Variants in IFT20 observed in about 807,000 individuals in gnomAD.
IFT20 encodes intraflagellar transport 20, also known as intraflagellar transport protein 20 homolog.
IFT20 carries 4 observed loss-of-function variants against 16.9 expected under a neutral mutation model. That is an observed-to-expected ratio of 0.24 (90% CI 0.12 to 0.54). The LOEUF is 0.54. Ranked by LOEUF, IFT20 falls within the 20% of genes least tolerant of loss-of-function variation. The probability of loss-of-function intolerance (pLI) is 0.95; values close to 1 mark genes in which losing one functional copy is unlikely to be tolerated. For synonymous variants in IFT20, 48 were observed against 49.9 expected (o/e 0.96, Z 0.16); for missense variants, 154 against 149.7 (o/e 1.03, Z -0.15).
chr17:28,333,072 A>AAAACACACACACACACACAC, intron 1 of IFT20, among the ~76,000 whole-genome samples: 4 of 144,578 alleles, frequency 2.8e-5, no homozygotes, highest in African/African-American at 7.7e-5. Context: ...TCTGGCTCAA[A>AAAACACACACACACACACAC]ACACACACAC....
At chr17:28,333,119 A>G (rs1906909690) in intron 1 of IFT20, among the ~76,000 whole-genome samples, 1 of 147,686 alleles carries the variant, frequency 6.8e-6, no homozygotes, top group Non-Finnish European at 1.5e-5. Context: ...TTAAACATAG[A>G]CATCTTTATG....
Position 28,328,418 on chromosome 17 carries a change from C to A in IFT20, c.*234G>T. On this transcript the variant is annotated 3_prime_UTR_variant, in exon 5 of 5. Coordinates refer to ENST00000395418, the MANE Select transcript of IFT20 (RefSeq NM_001267776.2). ...AAGTTTACAAACTGCTTAGTTCCAACTAAGCATAAGAGGTGAGAACGTACA... is the reference window on the plus strand; with the variant it reads ...AAGTTTACAAACTGCTTAGTTCCAAATAAGCATAAGAGGTGAGAACGTACA... 2.3e-6 allele frequency: 1 copy of A among 442,848 alleles called. No individual in the cohort carries two copies. Among genetic ancestry groups the A allele is most frequent in the African/African-American group, 2.1e-5 (1 of 48,698 alleles). 27.4% of individuals were successfully genotyped at this position (442,848 alleles called of 1,614,324 possible).
rs782049383 is a variant in IFT20 at position 28,328,726 on chromosome 17, C to T, written c.325G>A (p.Val109Ile). ...EKKMQLERYRVEYEALCKVEA... is the reference protein window; with the variant it reads ...EKKMQLERYRIEYEALCKVEA... ...ACTTTACACAAAGCTTCATATTCAA[C>T]CCGATACCTGAAAAACAAAATTGTT... Residue 109 changes from valine to isoleucine, a missense_variant, in exon 5 of 5, where the codon GTT (valine) becomes ATT (isoleucine). Transcript: ENST00000395418. 7.5e-6 allele frequency: 12 copies of T among 1,592,424 alleles called. No homozygotes were observed. The highest frequency in any genetic ancestry group is 1.7e-4 in the Middle Eastern group (1 of 5,894).
chr17:28,329,469 C>T, intron 3 of IFT20, 193 bp from the exon 4 acceptor site: 1 of 567,114 alleles, frequency 1.8e-6, no homozygotes, highest in Non-Finnish European at 3.1e-6. Flanking sequence ...TAGACGGCAG[C>T]TTTGAGGCAG....
chr17:28,331,203 T>C (rs1555576523), intron 2 of IFT20, among the ~76,000 whole-genome samples: 2 of 152,226 alleles, frequency 1.3e-5, no homozygotes, highest in Non-Finnish European at 2.9e-5. Flanking sequence ...GACAATTTAC[T>C]GAGGGGAAAC....
chr17:28,328,352 TCTC>T lies in IFT20; in HGVS notation c.*297_*299del, dbSNP rs1395285030. 4 of 279,988 alleles carry T rather than the reference TCTC, an allele frequency of 1.4e-5. No individual in the cohort carries two copies. Among genetic ancestry groups the T allele is most frequent in the African/African-American group, 2.2e-5 (1 of 44,706 alleles). 17.3% of individuals were successfully genotyped at this position (279,988 alleles called of 1,614,324 possible). A position where few individuals can be genotyped will look rare whatever the true frequency, so the allele number is the denominator to read the frequency against. ...CATTTGAAAACAAAAATTTATTGCT[TCTC>T]CTTCCAAAGCTTTGTGAATTTACAA... On this transcript the variant is annotated 3_prime_UTR_variant, in exon 5 of 5. Transcript: ENST00000395418.
At chr17:28,329,820 G>A (rs1906616146) in intron 3 of IFT20, 1 of 194,310 alleles carries the variant, frequency 5.1e-6, no homozygotes, top group East Asian at 1.2e-4. Flanking sequence ...CAGCACTTTG[G>A]GAGGCTGAGG....
intron 3 of IFT20, chr17:28,329,632 A>G (rs1234511816): frequency 5.5e-6 from 1 of 183,468 alleles, no homozygotes; most frequent in East Asian, 1.4e-4. Context: ...TGCTGATATG[A>G]AGATGAAACG....
intron 3 of IFT20, 106 bp downstream of exon 3, chr17:28,330,337 C>A: frequency 1.3e-6 from 1 of 779,422 alleles, no homozygotes. Flanking sequence ...AAAATTCACC[C>A]ACCCAGCCCT....
intron 1 of IFT20, among the ~76,000 whole-genome samples, chr17:28,333,570 TG>T (rs1359634641): frequency 6.6e-6 from 1 of 152,224 alleles, no homozygotes; most frequent in African/African-American, 2.4e-5. Flanking sequence ...AATCCACTGA[TG>T]TAAGTGAGCT....
intron 3 of IFT20, 160 bp downstream of exon 3, chr17:28,330,283 G>A (rs1906676590): frequency 1.2e-5 from 8 of 643,500 alleles, no homozygotes; most frequent in Non-Finnish European, 2.0e-5. Flanking sequence ...ATTGGCAAAA[G>A]TTCAGTAGGT....
rs1555576654 is a variant in IFT20, at chr17:28,332,117, C to T, written c.-2-130G>A. ...CCAGGTGTTCCAAAGGATCCCCGTT[C>T]CCTCTGCCACCACCTCTCTGAGCCT... On this transcript the variant is annotated intron_variant, in intron 1 of 4. Transcript: ENST00000395418. 1.9e-6 allele frequency: 3 copies of T among 1,577,334 alleles called. No homozygotes were observed. The South Asian group carries it at 3.4e-5, about 18-fold the overall frequency.
rs782720664 is a variant in IFT20, at chr17:28,330,481, C to T, written c.175G>A (p.Asp59Asn). The T allele has an allele frequency of 6.2e-7, 1 of 1,613,936 alleles. No individual in the cohort carries two copies. The highest frequency in any genetic ancestry group is 1.7e-5 in the Admixed American group (1 of 60,024). Residue 59 changes from aspartate (D) to asparagine (N), a missense_variant, in exon 3 of 5, where the codon GAT (aspartate) becomes AAT (asparagine). Coordinates refer to ENST00000395418, the MANE Select transcript of IFT20 (RefSeq NM_001267776.2). The stretch of plus-strand genomic sequence containing the variant: ...TTTTCTGCTTCTTTTGCAAGTTGAT[C>T]AACAAGCTCAATTAAACCACCAACT... ...KIVGGLIELV[D>N]QLAKEAENEK...
rs370484119 is a variant in IFT20 at position 28,330,484 on chromosome 17, C to T, written c.172G>A (p.Val58Ile). The change falls in exon 3 of 5, where the codon GTT (valine) becomes ATT (isoleucine). Residue 58 changes from valine (V) to isoleucine (I), a missense_variant. Physicochemically the swap from Val to Ile is conservative, Grantham distance 29 (BLOSUM62 3). Coordinates refer to ENST00000395418, the MANE Select transcript of IFT20 (RefSeq NM_001267776.2). ...QKIVGGLIELVDQLAKEAENE... is the reference protein window; with the variant it reads ...QKIVGGLIELIDQLAKEAENE... ...TCTGCTTCTTTTGCAAGTTGATCAACAAGCTCAATTAAACCACCAACTATT... is the reference window on the plus strand; with the variant it reads ...TCTGCTTCTTTTGCAAGTTGATCAATAAGCTCAATTAAACCACCAACTATT... 3 of 1,613,972 alleles carry T rather than the reference C, an allele frequency of 1.9e-6. No homozygotes were observed. Among genetic ancestry groups the T allele is most frequent in the South Asian group, 1.1e-5 (1 of 91,076 alleles).
Position 28,331,971 on chromosome 17 carries a change from G to A in IFT20, c.15C>T (p.Ile5=), listed in dbSNP as rs782791436. The change falls in exon 2 of 5, where the codon ATC becomes ATT. Residue 5 remains isoleucine (I), a synonymous_variant. Coordinates refer to ENST00000395418, the MANE Select transcript of IFT20 (RefSeq NM_001267776.2). Reference sequence around the variant, plus strand: ...CAAAGTGTAGCCCTGCTTCACCCAGGATGTCCTTGGCCATGGCTGTAAAGA... The same window carrying A: ...CAAAGTGTAGCCCTGCTTCACCCAGAATGTCCTTGGCCATGGCTGTAAAGA... MAKD[I]LGEAGLHFDE... is the part of the protein sequence containing the mutation. The A allele has an allele frequency of 1.4e-5, 23 of 1,614,188 alleles. No individual in the cohort carries two copies. Among genetic ancestry groups the A allele is most frequent in the East Asian group, 2.2e-5 (1 of 44,880 alleles).
chr17:28,329,108 CA>C, intron 4 of IFT20, 64 bp downstream of exon 4: 1 of 1,065,344 alleles, frequency 9.4e-7, no homozygotes, highest in Non-Finnish European at 1.5e-6. Flanking sequence ...AAGAAGTGAT[CA>C]TTCCAGAAGG....
chr17:28,334,760 G>A (rs527748557), intron 1 of IFT20, among the ~76,000 whole-genome samples: 3 of 152,360 alleles, frequency 2.0e-5, no homozygotes, highest in African/African-American at 4.8e-5. Context: ...GAACACAAGT[G>A]TTCCGAGTTG....
At chr17:28,333,083 AC>A (rs1488522104) in intron 1 of IFT20, among the ~76,000 whole-genome samples, 8 of 143,080 alleles carry the variant, frequency 5.6e-5, no homozygotes, top group Non-Finnish European at 1.2e-4. Context: ...ACACACACAC[AC>A]ACACACACAC....
intron 1 of IFT20, among the ~76,000 whole-genome samples, chr17:28,334,257 C>T (rs535482809): frequency 6.6e-6 from 1 of 152,176 alleles, no homozygotes; most frequent in African/African-American, 2.4e-5. Context: ...CAGAGGCCTT[C>T]TGAAAAAAAT....
Sources: allele counts gnomAD v4.1 joint callset (sites outside exome capture counted in the v4.1 genomes callset), GRCh38; gene constraint gnomAD v4.1.1; transcripts MANE v1.5; gene names NCBI Gene and HGNC (gene_info 2026-07-23, HGNC 2026-07-21).